The following ELF1 variants were observed in gnomAD, a reference collection of about 807,000 sequenced individuals.
ELF1 encodes E74 like ETS transcription factor 1.
ELF1 carries 24 observed loss-of-function variants against 59.9 expected under a neutral mutation model. The observed-to-expected ratio is 0.40, with a 90% CI of 0.29 to 0.56. ELF1 has a LOEUF of 0.56. Ranked by LOEUF, ELF1 falls within the 20% of genes least tolerant of loss-of-function variation. The pLI, the probability that ELF1 is intolerant of heterozygous loss-of-function variation, is 0.44. For synonymous variants in ELF1, 248 were observed against 266.2 expected (o/e 0.93, Z 0.67); for missense variants, 627 against 742.2 (o/e 0.84, Z 1.80).
At chr13:41,005,216 T>C (rs914790021) in intron 1 of ELF1, among the ~76,000 whole-genome samples, 6 of 152,086 alleles carry the variant, frequency 3.9e-5, no homozygotes, top group African/African-American at 7.2e-5. Flanking sequence ...AGTATTTTGG[T>C]CTTGGGATCT....
In ELF1 at chr13:41,060,914, T is replaced by TGCCGCCGCC. The variant is rs60249003; in HGVS notation, c.-314_-306dup. The TGCCGCCGCC allele has an allele frequency of 4.9e-3, 1,688 of 344,926 alleles. 387 individuals carry two copies. In the East Asian group the frequency reaches 0.083, roughly 17 times the overall value. 21.4% of individuals were successfully genotyped at this position (344,926 alleles called of 1,614,324 possible). ...GCCTCTGCGCTACTGAAGCTGCTGCTGCCGCCGCCGCCGCCGCCGCCGCCG... is the reference window on the plus strand; with the variant it reads ...GCCTCTGCGCTACTGAAGCTGCTGCTGCCGCCGCCGCCGCCGCCGCCGCCGCCGCCGCCG... On this transcript the variant is annotated 5_prime_UTR_variant, in exon 1 of 2. Coordinates refer to the ELF1 transcript ENST00000405737.
chr13:40,990,880 T>TTA (rs1873817276), intron 1 of ELF1, among the ~76,000 whole-genome samples: 1 of 151,738 alleles, frequency 6.6e-6, no homozygotes, highest in African/African-American at 2.4e-5. Context: ...TGTGTTACTT[T>TTA]ACAGTGGAGA....
At chr13:41,012,401 C>T (rs1040229706) in intron 1 of ELF1, among the ~76,000 whole-genome samples, 2 of 150,272 alleles carry the variant, frequency 1.3e-5, no homozygotes, top group Admixed American at 6.6e-5. Context: ...TATATTTTAC[C>T]ATAGTTTGTT....
chr13:40,989,123 T>C (rs1411617219), intron 1 of ELF1, among the ~76,000 whole-genome samples: 2 of 152,186 alleles, frequency 1.3e-5, no homozygotes, highest in Admixed American at 6.5e-5. Flanking sequence ...AATACAGTAT[T>C]ATTGCTAGAA....
chr13:40,993,394 G>C (rs73469270), intron 1 of ELF1: 10 of 813,706 alleles, frequency 1.2e-5, no homozygotes, highest in South Asian at 9.1e-5. Flanking sequence ...CGATGGGTCT[G>C]GGGGGAGCGG....
intron 1 of ELF1, among the ~76,000 whole-genome samples, chr13:41,007,230 GCTCAA>G (rs1223554333): frequency 6.6e-6 from 1 of 152,038 alleles, no homozygotes; most frequent in African/African-American, 2.4e-5. Context: ...AGCCCAAGGG[GCTCAA>G]CTCAACAGTA....
At chr13:40,990,712 G>A (rs1392324323) in intron 1 of ELF1, among the ~76,000 whole-genome samples, 8 of 151,758 alleles carry the variant, frequency 5.3e-5, no homozygotes, top group Admixed American at 1.3e-4. Context: ...AAAATTAGCC[G>A]GGCTTGGTGG....
chr13:41,041,260 CA>C (rs11326566), intron 1 of ELF1, among the ~76,000 whole-genome samples: 5,972 of 115,202 alleles, frequency 0.052, 166 homozygotes, highest in East Asian at 0.21. Context: ...CTGGTTTCAT[CA>C]AAAAAAAAAA....
chr13:41,035,841 AAAAAAC>A (rs1202093765), intron 1 of ELF1, among the ~76,000 whole-genome samples: 11 of 149,974 alleles, frequency 7.3e-5, no homozygotes, highest in South Asian at 2.1e-4. Context: ...CTTGTTAAAA[AAAAAAC>A]AACAACAACA....
intron 1 of ELF1, among the ~76,000 whole-genome samples, chr13:41,032,257 G>A (rs1876196116): frequency 6.9e-6 from 1 of 144,592 alleles, no homozygotes; most frequent in Non-Finnish European, 1.5e-5. Flanking sequence ...TGCTCTCGTT[G>A]CCCAGGCTGG....
chr13:41,027,491 T>C (rs948943144), intron 1 of ELF1, among the ~76,000 whole-genome samples: 3 of 152,218 alleles, frequency 2.0e-5, no homozygotes, highest in Non-Finnish European at 4.4e-5. Flanking sequence ...GTATGGCCAC[T>C]GCTGAGTGCC....
In ELF1 at chr13:40,952,638, C is replaced by T. The variant is rs1870928370; in HGVS notation, c.254-1202G>A. Among the ~76,000 whole-genome samples, 3 of 152,256 alleles carry T rather than the reference C, an allele frequency of 2.0e-5. No individual in the cohort carries two copies. The South Asian group carries it at 6.2e-4, about 32-fold the overall frequency. ...CTTGAATTCCTGGGCTCAGGTGATCCTCCCTCCTTGGCCTCCCAAAGTTCT... is the reference window on the plus strand; with the variant it reads ...CTTGAATTCCTGGGCTCAGGTGATCTTCCCTCCTTGGCCTCCCAAAGTTCT... On this transcript the variant is annotated intron_variant, in intron 3 of 8. Coordinates refer to ENST00000239882, the MANE Select transcript of ELF1 (RefSeq NM_172373.4).
upstream of ELF1, chr13:41,019,377 G>C: frequency 1.0e-6 from 1 of 985,348 alleles, no homozygotes; most frequent in Non-Finnish European, 1.2e-6. Flanking sequence ...GTTTCTAAGG[G>C]AGGCACGCCC....
At chr13:41,019,024 CAAG>C (rs1220192747) in intron 1 of ELF1, among the ~76,000 whole-genome samples, 11 of 152,254 alleles carry the variant, frequency 7.2e-5, no homozygotes, top group African/African-American at 2.4e-4. Context: ...AATGCTTTAG[CAAG>C]AAGATCTAAA....
chr13:40,957,315 T>TA (rs1871509433), intron 3 of ELF1, among the ~76,000 whole-genome samples: 1 of 132,914 alleles, frequency 7.5e-6, no homozygotes, highest in Non-Finnish European at 1.6e-5. Flanking sequence ...TCACAGCTCT[T>TA]TCCTGTCCCA....
At chr13:41,023,298 A>G (rs1309544691), upstream of ELF1, among the ~76,000 whole-genome samples, 1 of 152,196 alleles carries the variant, frequency 6.6e-6, no homozygotes, top group Non-Finnish European at 1.5e-5. Flanking sequence ...AAAATACAGA[A>G]TACTCTAATT....
intron 2 of ELF1, among the ~76,000 whole-genome samples, chr13:40,968,594 T>C (rs1215774370): frequency 6.6e-6 from 1 of 152,154 alleles, no homozygotes; most frequent in Non-Finnish European, 1.5e-5. Flanking sequence ...CAAAGCCCAG[T>C]ACAAAGTTTT....
chr13:40,950,152 C>T (rs762990802), intron 4 of ELF1, among the ~76,000 whole-genome samples, 179 bp from the exon 5 acceptor site: 3 of 152,140 alleles, frequency 2.0e-5, no homozygotes, highest in Non-Finnish European at 4.4e-5. Context: ...AGTCCAGGCA[C>T]GGCGAGCTAT....
intron 1 of ELF1, among the ~76,000 whole-genome samples, chr13:41,017,249 G>A (rs1398498937): frequency 6.6e-6 from 1 of 151,810 alleles, no homozygotes; most frequent in Non-Finnish European, 1.5e-5. Flanking sequence ...CTTAATTAAG[G>A]TTTTATTTAC....
Sources: allele counts gnomAD v4.1 joint callset (sites outside exome capture counted in the v4.1 genomes callset), GRCh38; gene constraint gnomAD v4.1.1; transcripts MANE v1.5; gene names NCBI Gene and HGNC (gene_info 2026-07-23, HGNC 2026-07-21).